TMEM117: variants seen among roughly 807,000 people sequenced by gnomAD.
The protein encoded by TMEM117 is transmembrane protein 117.
TMEM117 carries 27 observed loss-of-function variants against 52.4 expected under a neutral mutation model. That is an observed-to-expected ratio of 0.51 (90% CI 0.38 to 0.71). TMEM117 has a LOEUF of 0.71. TMEM117 is among the 30% of genes least tolerant of loss of function. The pLI, the probability that TMEM117 is intolerant of heterozygous loss-of-function variation, is 0.00. For synonymous variants in TMEM117, 215 were observed against 206.3 expected (o/e 1.04, Z -0.36); for missense variants, 556 against 630.5 (o/e 0.88, Z 1.26).
chr12:44,046,157 A>G (rs1443256148), intron 3 of TMEM117, among the ~76,000 whole-genome samples: 1 of 152,142 alleles, frequency 6.6e-6, no homozygotes, highest in Non-Finnish European at 1.5e-5. Flanking sequence ...CCAGTGATCC[A>G]CTCGCAAAAT....
At chr12:43,841,072 C>T (rs895695067) in intron 1 of TMEM117, among the ~76,000 whole-genome samples, 1 of 152,128 alleles carries the variant, frequency 6.6e-6, no homozygotes, top group Non-Finnish European at 1.5e-5. Context: ...AGGTTTAATT[C>T]AAATTATTAT....
chr12:44,308,844 C>T (rs1032360480), intron 6 of TMEM117, among the ~76,000 whole-genome samples: 1 of 152,134 alleles, frequency 6.6e-6, no homozygotes, highest in Non-Finnish European at 1.5e-5. Context: ...TGGTCTCGAT[C>T]TCCTGACGTC....
chr12:43,862,828 G>A (rs1458676931), intron 2 of TMEM117, among the ~76,000 whole-genome samples: 1 of 152,184 alleles, frequency 6.6e-6, no homozygotes, highest in Non-Finnish European at 1.5e-5. Context: ...AATATGAGTG[G>A]TGAAAACATT....
In TMEM117 at chr12:44,000,781, C is replaced by T. The variant is rs141286008; in HGVS notation, c.410+56439C>T. On this transcript the variant is annotated intron_variant, in intron 3 of 7. Coordinates refer to ENST00000266534, the MANE Select transcript of TMEM117 (RefSeq NM_032256.3). ...GCTTCTCTGTGACCTCTTCCCGGGT[C>T]GGTTTTCAGTGGGGACAGCGTGCAA... 1.1e-4 allele frequency among the ~76,000 whole-genome samples: 16 copies of T among 152,258 alleles called. No individual in the cohort carries two copies. The East Asian group carries it at 2.5e-3, about 24-fold the overall frequency.
At chr12:44,209,625 T>G (rs373336807) in intron 4 of TMEM117, among the ~76,000 whole-genome samples, 3 of 152,248 alleles carry the variant, frequency 2.0e-5, no homozygotes, top group South Asian at 2.1e-4. Context: ...AGCCACAAAT[T>G]ATTGTAGGCC....
rs959963941 is a variant in TMEM117 at position 43,916,870 on chromosome 12, C to G, written c.278-27340C>G. Among the ~76,000 whole-genome samples, 117 of 152,114 alleles carry G rather than the reference C, an allele frequency of 7.7e-4. 2 individuals are homozygous for G. Among genetic ancestry groups the G allele is most frequent in the South Asian group, 6.2e-4 (3 of 4,830 alleles). On this transcript the variant is annotated intron_variant, in intron 2 of 7. Transcript: ENST00000266534. ...ATCTAGGCTTCTTTTCTGATGTTAACAATCTCACTGTTAGAGCCTAGACTC... is the reference window on the plus strand; with the variant it reads ...ATCTAGGCTTCTTTTCTGATGTTAAGAATCTCACTGTTAGAGCCTAGACTC...
chr12:44,103,354 C>A (rs1213595755), intron 3 of TMEM117, among the ~76,000 whole-genome samples: 1 of 151,644 alleles, frequency 6.6e-6, no homozygotes, highest in Non-Finnish European at 1.5e-5. Context: ...TTAATCAGTA[C>A]CATTACTCTG....
the TMEM117 span, among the ~76,000 whole-genome samples, chr12:44,396,704 AT>A: frequency 6.6e-6 from 1 of 152,040 alleles, no homozygotes; most frequent in East Asian, 1.9e-4. Context: ...AAATATAAAA[AT>A]TAGCCTGGTG....
chr12:44,056,097 CCTTTTTTT>C (rs1439242457), intron 3 of TMEM117, among the ~76,000 whole-genome samples: 5 of 151,830 alleles, frequency 3.3e-5, no homozygotes, highest in African/African-American at 7.2e-5. Context: ...CTCTTCTTTT[CCTTTTTTT>C]CTTTTTAATT....
At chr12:43,900,716 T>TC (rs1228993869) in intron 2 of TMEM117, among the ~76,000 whole-genome samples, 2 of 23,206 alleles carry the variant, frequency 8.6e-5, no homozygotes, top group African/African-American at 2.3e-4. Context: ...AGACTTTGTC[T>TC]CAAAAAAAAA....
chr12:43,936,619 G>A (rs1944955774), intron 2 of TMEM117, among the ~76,000 whole-genome samples: 1 of 152,170 alleles, frequency 6.6e-6, no homozygotes, highest in Middle Eastern at 3.2e-3. Flanking sequence ...CCAAAATGGT[G>A]ACTGAGAAAA....
chr12:44,011,659 TATAC>T (rs113611924), intron 3 of TMEM117, among the ~76,000 whole-genome samples: 3 of 151,690 alleles, frequency 2.0e-5, no homozygotes, highest in South Asian at 2.1e-4. Flanking sequence ...TATTCCTTAC[TATAC>T]ATACATACAT....
intron 3 of TMEM117, among the ~76,000 whole-genome samples, chr12:44,101,226 C>T (rs539603442): frequency 4.6e-5 from 7 of 151,726 alleles, no homozygotes; most frequent in African/African-American, 7.3e-5. Context: ...GTTGAACATA[C>T]GCTTAATACA....
chr12:44,048,873 T>C (rs370205887), intron 3 of TMEM117, among the ~76,000 whole-genome samples: 15 of 152,366 alleles, frequency 9.8e-5, no homozygotes, highest in African/African-American at 3.6e-4. Flanking sequence ...TATAGTATTA[T>C]AACAAATCAG....
intron 6 of TMEM117, among the ~76,000 whole-genome samples, chr12:44,314,394 C>T (rs1951028215): frequency 6.6e-6 from 1 of 152,044 alleles, no homozygotes; most frequent in Non-Finnish European, 1.5e-5. Context: ...TGGTGAATCA[C>T]ATTTATTTAG....
intron 5 of TMEM117, among the ~76,000 whole-genome samples, chr12:44,281,560 A>G (rs1199215525): frequency 6.6e-6 from 1 of 152,242 alleles, no homozygotes; most frequent in Non-Finnish European, 1.5e-5. Context: ...CATCCTATTT[A>G]GAAATCAAAT....
intron 6 of TMEM117, among the ~76,000 whole-genome samples, chr12:44,374,252 T>G (rs1754529883): frequency 2.6e-5 from 4 of 151,914 alleles, no homozygotes. Context: ...ATCAGAGTAG[T>G]AGAGAGAGAG....
chr12:44,325,910 C>T (rs1951188898), intron 6 of TMEM117, among the ~76,000 whole-genome samples: 1 of 152,216 alleles, frequency 6.6e-6, no homozygotes, highest in Non-Finnish European at 1.5e-5. Context: ...CCTATAATTC[C>T]AGCACTCTGG....
rs1483300780 is a variant in TMEM117, at chr12:44,010,487, C to T, written c.410+66145C>T. Among the ~76,000 whole-genome samples, 4 of 152,214 alleles carry T rather than the reference C, an allele frequency of 2.6e-5. No individual in the cohort carries two copies. In the South Asian group the frequency reaches 8.3e-4, roughly 32 times the overall value. ...CAGTTTTCCCATTCTATCCCTCCAC[C>T]TCCCAGAGACCTTACCCAGATTCAC... is the stretch of plus-strand genomic sequence containing the variant. On this transcript the variant is annotated intron_variant, in intron 3 of 7. Transcript: ENST00000266534.
Sources: allele counts gnomAD v4.1 joint callset (sites outside exome capture counted in the v4.1 genomes callset), GRCh38; gene constraint gnomAD v4.1.1; transcripts MANE v1.5; gene names NCBI Gene and HGNC (gene_info 2026-07-23, HGNC 2026-07-21).